The following ROBO2 variants were observed in gnomAD, a reference collection of about 807,000 sequenced individuals.
ROBO2 encodes roundabout guidance receptor 2.
ROBO2 carries 53 observed loss-of-function variants against 160.8 expected under a neutral mutation model. The ratio of observed to expected loss-of-function variants is 0.33; its 90% CI spans 0.26 to 0.41. The LOEUF is 0.41. ROBO2 is among the 10% of genes least tolerant of loss of function. ROBO2 has a pLI of 1.00. For missense variants in ROBO2, 1,577 were observed against 1,722.4 expected, an observed-to-expected ratio of 0.92 and a Z score of 1.49; for synonymous variants, 664 against 611.7, an observed-to-expected ratio of 1.09 and a Z score of -1.26.
chr3:76,725,566 T>G (rs2093538024), intron 2 of ROBO2, among the ~76,000 whole-genome samples: 1 of 152,216 alleles, frequency 6.6e-6, no homozygotes, highest in African/African-American at 2.4e-5. Flanking sequence ...TGCTTATTAG[T>G]AAGCAATAAC....
At chr3:76,395,998 A>C (rs1338683948) in intron 2 of ROBO2, among the ~76,000 whole-genome samples, 1 of 152,140 alleles carries the variant, frequency 6.6e-6, no homozygotes, top group Non-Finnish European at 1.5e-5. Context: ...CTGATACCAA[A>C]GCCGGGCAGA....
At chr3:75,971,026 G>A (rs1288992499) in intron 2 of ROBO2, among the ~76,000 whole-genome samples, 2 of 150,676 alleles carry the variant, frequency 1.3e-5, no homozygotes, top group Non-Finnish European at 3.0e-5. Flanking sequence ...TTTTAATGGA[G>A]AATATTTAAA....
At chr3:76,383,114 CA>C (rs2076717222) in intron 2 of ROBO2, among the ~76,000 whole-genome samples, 1 of 151,856 alleles carries the variant, frequency 6.6e-6, no homozygotes, top group South Asian at 2.1e-4. Context: ...ATGGAGTAGG[CA>C]GGGGAAAGGC....
intron 2 of ROBO2, among the ~76,000 whole-genome samples, chr3:76,260,774 T>C (rs1002173954): frequency 1.3e-5 from 2 of 152,144 alleles, no homozygotes; most frequent in African/African-American, 4.8e-5. Flanking sequence ...GAAATGAATT[T>C]ACCATCACAC....
At chr3:77,205,738 G>A (rs976965828) in intron 2 of ROBO2, among the ~76,000 whole-genome samples, 1 of 151,968 alleles carries the variant, frequency 6.6e-6, no homozygotes, top group African/African-American at 2.4e-5. Flanking sequence ...TTTAATGTAT[G>A]GGCAAAAATA....
At chr3:77,077,333 A>G (rs2068118219) in intron 1 of ROBO2, among the ~76,000 whole-genome samples, 1 of 152,240 alleles carries the variant, frequency 6.6e-6, no homozygotes, top group South Asian at 2.1e-4. Context: ...ATATTATTAT[A>G]GTATCATTGA....
At chr3:76,692,423 C>T (rs796740215) in intron 2 of ROBO2, among the ~76,000 whole-genome samples, 16 of 152,194 alleles carry the variant, frequency 1.1e-4, no homozygotes, top group African/African-American at 3.9e-4. Flanking sequence ...ATCGCTGACT[C>T]CCAAGGCTTA....
chr3:77,114,128 G>A (rs1043798829), intron 2 of ROBO2, among the ~76,000 whole-genome samples: 1 of 152,168 alleles, frequency 6.6e-6, no homozygotes, highest in Admixed American at 6.5e-5. Flanking sequence ...CTACTCCTGT[G>A]ATTTGGGGCA....
chr3:76,270,326 A>G (rs1459098095), intron 2 of ROBO2, among the ~76,000 whole-genome samples: 1 of 152,012 alleles, frequency 6.6e-6, no homozygotes, highest in Non-Finnish European at 1.5e-5. Context: ...ATTACCATAG[A>G]TATAATAGAC....
chr3:77,133,103 AT>A (rs1305318120), intron 2 of ROBO2, among the ~76,000 whole-genome samples: 1 of 152,166 alleles, frequency 6.6e-6, no homozygotes, highest in East Asian at 1.9e-4. Flanking sequence ...ATTTATTTAT[AT>A]AGCAAAATGC....
intron 2 of ROBO2, among the ~76,000 whole-genome samples, chr3:76,306,065 T>C (rs1411516316): frequency 6.6e-6 from 1 of 152,128 alleles, no homozygotes; most frequent in Non-Finnish European, 1.5e-5. Flanking sequence ...CCACAAAATG[T>C]CTTCAGACAC....
chr3:77,578,216 T>C (rs2093819524), intron 15 of ROBO2, among the ~76,000 whole-genome samples: 1 of 152,176 alleles, frequency 6.6e-6, no homozygotes, highest in Non-Finnish European at 1.5e-5. Context: ...CATATGTATC[T>C]ATTGTTTCAT....
Position 76,411,835 on chromosome 3 carries a change from A to G in ROBO2, c.109+474233A>G, listed in dbSNP as rs558030833. Among the ~76,000 whole-genome samples the G allele has an allele frequency of 1.9e-4, 29 of 152,288 alleles. No homozygotes were observed. The South Asian group carries it at 4.8e-3, about 25-fold the overall frequency. ...AATGTGTATATGTCCTGTGAATGGG[A>G]CAGAAGATTATAGGGTTATCAAGGC... On this transcript the variant is annotated intron_variant, in intron 2 of 26. Coordinates refer to the ROBO2 transcript ENST00000487694.
intron 2 of ROBO2, among the ~76,000 whole-genome samples, chr3:76,286,107 A>G (rs189240314): frequency 1.5e-4 from 23 of 152,308 alleles, no homozygotes; most frequent in African/African-American, 4.8e-4. Flanking sequence ...AATACTTATT[A>G]TGTAAAAAGA....
At chr3:77,577,856 T>C (rs964133923) in intron 15 of ROBO2, among the ~76,000 whole-genome samples, 8 of 152,132 alleles carry the variant, frequency 5.3e-5, no homozygotes, top group Non-Finnish European at 8.8e-5. Context: ...GTTTTCTGTA[T>C]AGTGTGACTC....
At chr3:76,275,045 T>C (rs979678870) in intron 2 of ROBO2, among the ~76,000 whole-genome samples, 18 of 152,218 alleles carry the variant, frequency 1.2e-4, no homozygotes, top group African/African-American at 4.1e-4. Context: ...ATATAATAAA[T>C]AACTGCCCCA....
intron 2 of ROBO2, among the ~76,000 whole-genome samples, chr3:76,770,308 T>C (rs1216098035): frequency 6.6e-6 from 1 of 151,342 alleles, no homozygotes; most frequent in Non-Finnish European, 1.5e-5. Flanking sequence ...CTCTCCTTTT[T>C]TCATCATAAT....
At chr3:76,707,430 CT>C (rs2093189058) in intron 2 of ROBO2, among the ~76,000 whole-genome samples, 1 of 152,022 alleles carries the variant, frequency 6.6e-6, no homozygotes, top group Non-Finnish European at 1.5e-5. Context: ...GGACAAACCA[CT>C]TTTTTCCTAT....
chr3:76,167,532 C>T (rs1291711932), intron 2 of ROBO2, among the ~76,000 whole-genome samples: 1 of 152,116 alleles, frequency 6.6e-6, no homozygotes, highest in Non-Finnish European at 1.5e-5. Context: ...ATATCATGCA[C>T]GTCATGCATG....
Sources: gnomAD v4.1 joint callset for allele counts (sites outside exome capture counted in the v4.1 genomes callset) on GRCh38, gnomAD v4.1.1 for gene constraint, MANE v1.5 for transcripts, NCBI Gene and HGNC (gene_info 2026-07-23, HGNC 2026-07-21) for gene names.